The following TTLL5 variants were observed in gnomAD, a reference collection of about 807,000 sequenced individuals.
TTLL5 encodes the protein tubulin polyglutamylase TTLL5.
Under a neutral mutation model 168.4 loss-of-function variants are expected in TTLL5, and 132 were observed. The observed-to-expected ratio is 0.78, with a 90% CI of 0.68 to 0.91. TTLL5 has a LOEUF of 0.91. Ranked by LOEUF, TTLL5 falls within the 40% of genes least tolerant of loss-of-function variation. The pLI, the probability that TTLL5 is intolerant of heterozygous loss-of-function variation, is 0.00. For missense variants in TTLL5, 1,545 were observed against 1,581.5 expected (o/e 0.98, Z 0.39); for synonymous variants, 546 against 558.6 (o/e 0.98, Z 0.32).
chr14:75,673,460 T>G (rs1307861499), intron 3 of TTLL5, among the ~76,000 whole-genome samples: 2 of 152,070 alleles, frequency 1.3e-5, no homozygotes, highest in African/African-American at 4.8e-5. Flanking sequence ...GAGTGTACAC[T>G]TGGGTTCTCA....
intron 29 of TTLL5, among the ~76,000 whole-genome samples, chr14:75,871,665 C>T (rs911929496): frequency 6.6e-6 from 1 of 151,914 alleles, no homozygotes; most frequent in African/African-American, 2.4e-5. Flanking sequence ...TCCCTCACTC[C>T]GTGGCCTGTG....
intron 28 of TTLL5, among the ~76,000 whole-genome samples, chr14:75,825,918 C>T (rs1405824775): frequency 6.6e-6 from 1 of 152,086 alleles, no homozygotes; most frequent in Non-Finnish European, 1.5e-5. Flanking sequence ...TTATACGCTG[C>T]ATCAGTTCAA....
At chr14:75,914,033 A>AAAAATATATATATATATATATAT in intron 31 of TTLL5, among the ~76,000 whole-genome samples, 9 of 71,096 alleles carry the variant, frequency 1.3e-4, no homozygotes, top group African/African-American at 9.3e-4. Context: ...AAAAAAAAAA[A>AAAAATATATATATATATATATAT]ATATATATAT....
rs140862824 is a variant in TTLL5 at position 75,763,927 on chromosome 14, C to T, written c.1551-688C>T. 4.3e-3 allele frequency among the ~76,000 whole-genome samples: 652 copies of T among 152,308 alleles called. 3 individuals carry two copies. The highest frequency in any genetic ancestry group is 0.01 in the Middle Eastern group (3 of 292). On this transcript the variant is annotated intron_variant, in intron 18 of 31. Coordinates refer to ENST00000298832, the MANE Select transcript of TTLL5 (RefSeq NM_015072.5). ...ACTGTAACTCCAGACCTGTACTTAA[C>T]GCCTGTAAAGTCCCTGCCACCTTGC...
In TTLL5 at chr14:75,730,850, G is replaced by T. The variant is rs143990512; in HGVS notation, c.1043-1488G>T. 4.1e-3 allele frequency among the ~76,000 whole-genome samples: 623 copies of T among 152,128 alleles called. 3 individuals carry two copies. Among genetic ancestry groups the T allele is most frequent in the East Asian group, 0.014 (71 of 5,168 alleles). ...TTCTCCTGCCTCAGCCTCCTGAGTA[G>T]CTGGGATTACAGGTGCCTGCCACCA... On this transcript the variant is annotated intron_variant, in intron 12 of 31. Transcript: ENST00000298832.
chr14:75,861,354 G>A (rs2029984387), intron 28 of TTLL5, among the ~76,000 whole-genome samples: 1 of 152,170 alleles, frequency 6.6e-6, no homozygotes, highest in Non-Finnish European at 1.5e-5. Flanking sequence ...GAAAAGACCA[G>A]GTTGTGAGGG....
At chr14:75,870,856 T>G (rs1253415609) in intron 29 of TTLL5, among the ~76,000 whole-genome samples, 2 of 150,930 alleles carry the variant, frequency 1.3e-5, no homozygotes, top group Non-Finnish European at 1.5e-5. Context: ...GTGCAGTGGC[T>G]CGATCTCGGC....
chr14:75,786,823 T>G (rs748376041), intron 26 of TTLL5, among the ~76,000 whole-genome samples: 2 of 152,040 alleles, frequency 1.3e-5, no homozygotes, highest in Non-Finnish European at 2.9e-5. Flanking sequence ...AAAAGCAAGA[T>G]AAATAGAAAT....
chr14:75,755,696 A>C (rs1890215976), intron 18 of TTLL5, among the ~76,000 whole-genome samples: 1 of 152,192 alleles, frequency 6.6e-6, no homozygotes, highest in Non-Finnish European at 1.5e-5. Flanking sequence ...TGCATTGAAA[A>C]AAATGAGATT....
chr14:75,788,854 C>A (rs1000742388), intron 26 of TTLL5, among the ~76,000 whole-genome samples: 12 of 151,930 alleles, frequency 7.9e-5, no homozygotes, highest in African/African-American at 2.7e-4. Context: ...AAATTTGAAT[C>A]AAAATAAAAG....
At chr14:75,818,654 ATTTTT>A (rs34861864) in intron 27 of TTLL5, 5 of 142,952 alleles carry the variant, frequency 3.5e-5, no homozygotes, top group Non-Finnish European at 4.3e-5. Context: ...CGCCTGGCTA[ATTTTT>A]TTTTTTTTTT....
chr14:75,952,036 A>G (rs951045823), intron 31 of TTLL5, among the ~76,000 whole-genome samples: 3 of 152,248 alleles, frequency 2.0e-5, no homozygotes, highest in African/African-American at 4.8e-5. Flanking sequence ...CAAATCATGT[A>G]TATGACAAGG....
intron 30 of TTLL5, chr14:75,887,296 TA>T: frequency 1.0e-6 from 1 of 985,658 alleles, no homozygotes; most frequent in Non-Finnish European, 1.2e-6. Context: ...AACACCGGCT[TA>T]AAAAATGTTA....
chr14:75,772,143 C>T (rs998254883), intron 21 of TTLL5, among the ~76,000 whole-genome samples: 3 of 152,094 alleles, frequency 2.0e-5, no homozygotes, highest in African/African-American at 4.8e-5. Flanking sequence ...TCTCATTGGA[C>T]GTGAAGCCCT....
At chr14:75,942,374 A>G (rs868501236) in intron 31 of TTLL5, among the ~76,000 whole-genome samples, 1 of 152,320 alleles carries the variant, frequency 6.6e-6, no homozygotes, top group Middle Eastern at 3.4e-3. Context: ...CAGTCAATCA[A>G]CTATTTACCA....
chr14:75,812,472 A>G (rs931369207), intron 27 of TTLL5, among the ~76,000 whole-genome samples: 3 of 152,146 alleles, frequency 2.0e-5, no homozygotes, highest in African/African-American at 7.2e-5. Flanking sequence ...CATAGCAAGT[A>G]ATCTTGGAAT....
rs775165086 is a variant in TTLL5 at position 75,745,534 on chromosome 14, T to TA, written c.1440_1441insA (p.Gly481ArgfsTer10). On this transcript the variant is annotated frameshift_variant, in exon 17 of 32. Coordinates refer to ENST00000298832, the MANE Select transcript of TTLL5 (RefSeq NM_015072.5). LOFTEE classifies it high-confidence loss of function. ...TGAAGGAGGAGAATGATCGGCGAGGTGGATTTATTCGCATATTTCCTACAT... is the reference window on the plus strand; with the variant it reads ...TGAAGGAGGAGAATGATCGGCGAGGTAGGATTTATTCGCATATTTCCTACAT... The TA allele has an allele frequency of 1.2e-6, 2 of 1,613,792 alleles. No individual in the cohort carries two copies. The highest frequency in any genetic ancestry group is 1.7e-6 in the Non-Finnish European group (2 of 1,179,976).
intron 27 of TTLL5, chr14:75,818,416 T>G (rs1894602689): frequency 1.3e-5 from 5 of 372,328 alleles, no homozygotes; most frequent in South Asian, 1.0e-4. Context: ...CAGTTTCATA[T>G]TGTGATTTTT....
intron 31 of TTLL5, among the ~76,000 whole-genome samples, chr14:75,915,318 A>G (rs905483695): frequency 1.3e-5 from 2 of 152,232 alleles, no homozygotes; most frequent in African/African-American, 2.4e-5. Context: ...CCGGAGTCAT[A>G]TGTTACACTT....
Sources: allele counts gnomAD v4.1 joint callset (sites outside exome capture counted in the v4.1 genomes callset), GRCh38; gene constraint gnomAD v4.1.1; transcripts MANE v1.5; gene names NCBI Gene and HGNC (gene_info 2026-07-23, HGNC 2026-07-21).